Variants in CNTN1 observed in about 807,000 individuals in gnomAD.
CNTN1 encodes the protein contactin-1.
Under a neutral mutation model 126.4 loss-of-function variants are expected in CNTN1, and 38 were observed. That is an observed-to-expected ratio of 0.30 (90% CI 0.23 to 0.39). CNTN1 has a LOEUF of 0.39. Ranked by LOEUF, CNTN1 falls within the 10% of genes least tolerant of loss-of-function variation. The pLI is 1.00. For missense variants in CNTN1, 1,009 were observed against 1,248.4 expected (o/e 0.81, Z 2.89); for synonymous variants, 413 against 422.6 (o/e 0.98, Z 0.28).
At chr12:40,927,054 A>C (rs1478958786) in intron 6 of CNTN1, among the ~76,000 whole-genome samples, 2 of 140,890 alleles carry the variant, frequency 1.4e-5, no homozygotes, top group East Asian at 4.2e-4. Flanking sequence ...ATATCAATTT[A>C]TGATTCATCA....
chr12:41,061,668 A>C, intron 23 of CNTN1: 2 of 348,078 alleles, frequency 5.7e-6, no homozygotes, highest in South Asian at 4.4e-5. Flanking sequence ...AATGCTTGAT[A>C]TTCTCAAATA....
At chr12:40,726,656 G>A (rs1942358514) in intron 1 of CNTN1, among the ~76,000 whole-genome samples, 1 of 152,044 alleles carries the variant, frequency 6.6e-6, no homozygotes. Flanking sequence ...TGGGTGGGGA[G>A]GCAGAGCCAA....
chr12:40,768,872 T>A lies in CNTN1; in HGVS notation c.-77+76280T>A, dbSNP rs561480830. Reference sequence around the variant, plus strand: ...ATTTTAAATAGTAAGTTTATTCTTATGTGCAATCAAGGACTATTTATTTTT... The same window carrying A: ...ATTTTAAATAGTAAGTTTATTCTTAAGTGCAATCAAGGACTATTTATTTTT... On this transcript the variant is annotated intron_variant, in intron 1 of 23. Transcript: ENST00000551295. Among the ~76,000 whole-genome samples the A allele has an allele frequency of 5.1e-4, 77 of 152,366 alleles. 1 individual carries two copies. The South Asian group carries it at 0.015, about 30-fold the overall frequency.
intron 17 of CNTN1, among the ~76,000 whole-genome samples, chr12:41,012,270 C>A (rs1948679683): frequency 6.6e-6 from 1 of 152,144 alleles, no homozygotes; most frequent in Non-Finnish European, 1.5e-5. Context: ...ACTGGGGGTA[C>A]CCTCTGTTTC....
At chr12:41,058,579 G>T (rs1270552954) in intron 23 of CNTN1, among the ~76,000 whole-genome samples, 1 of 152,044 alleles carries the variant, frequency 6.6e-6, no homozygotes, top group African/African-American at 2.4e-5. Flanking sequence ...AGTGATGAAA[G>T]TTAATCTTTT....
At chr12:40,790,107 G>A (rs563704001) in intron 1 of CNTN1, among the ~76,000 whole-genome samples, 2 of 152,208 alleles carry the variant, frequency 1.3e-5, no homozygotes, top group South Asian at 4.1e-4. Context: ...AGGAAGTCTA[G>A]CAGCTGCATG....
At chr12:40,981,180 T>G (rs1947809335) in intron 16 of CNTN1, 113 bp downstream of exon 16, 1 of 1,004,322 alleles carries the variant, frequency 1.0e-6, no homozygotes, top group Non-Finnish European at 1.5e-6. Flanking sequence ...AAGGCTTTCT[T>G]TCTTAAATTT....
intron 1 of CNTN1, among the ~76,000 whole-genome samples, chr12:40,811,949 C>G (rs1186966553): frequency 6.9e-6 from 1 of 144,346 alleles, no homozygotes; most frequent in Non-Finnish European, 1.5e-5. Context: ...TTAGTTTGTT[C>G]TTCTTTTTCT....
intron 1 of CNTN1, among the ~76,000 whole-genome samples, chr12:40,857,206 G>C (rs991727359): frequency 5.9e-5 from 9 of 152,038 alleles, no homozygotes; most frequent in Non-Finnish European, 1.2e-4. Context: ...CTGAAGGTTG[G>C]TGCTGGTAGA....
chr12:41,067,908 T>G (rs550057626), intron 23 of CNTN1, among the ~76,000 whole-genome samples: 26 of 152,306 alleles, frequency 1.7e-4, no homozygotes, highest in African/African-American at 5.8e-4. Flanking sequence ...TTTAAAAAAT[T>G]TGTAGAAAAG....
intron 15 of CNTN1, 33 bp downstream of exon 15, chr12:40,959,267 C>T: frequency 6.2e-7 from 1 of 1,608,844 alleles, no homozygotes; most frequent in South Asian, 1.1e-5. Context: ...ATTACAAAAC[C>T]AAAAGTATTT....
chr12:40,743,823 G>C (rs758297176), intron 1 of CNTN1, among the ~76,000 whole-genome samples: 2 of 152,004 alleles, frequency 1.3e-5, no homozygotes, highest in Non-Finnish European at 2.9e-5. Context: ...TGCTTTGGTT[G>C]CAATTGCTTT....
rs73112676 is a variant in CNTN1 at position 40,796,787 on chromosome 12, C to T, written c.-77+104195C>T. Among the ~76,000 whole-genome samples, 913 of 152,128 alleles carry T rather than the reference C, an allele frequency of 6.0e-3. 6 individuals are homozygous for T. Among genetic ancestry groups the T allele is most frequent in the Middle Eastern group, 0.027 (8 of 294 alleles). ...AAATGAGTTCGGACAAAAGTCAGAACGGTAACACCACATAGACCAAAAAGG... is the reference window on the plus strand; with the variant it reads ...AAATGAGTTCGGACAAAAGTCAGAATGGTAACACCACATAGACCAAAAAGG... On this transcript the variant is annotated intron_variant, in intron 1 of 23. Transcript: ENST00000551295.
chr12:40,782,822 A>C (rs1939855960), intron 1 of CNTN1, among the ~76,000 whole-genome samples: 1 of 151,978 alleles, frequency 6.6e-6, no homozygotes, highest in Non-Finnish European at 1.5e-5. Context: ...TAGCCAAATA[A>C]AAAAAATTTA....
rs527587659 is a variant in CNTN1 at position 41,053,882 on chromosome 12, T to G, written c.2981-16077T>G. ...ATACAGTGTACCACTAAGGCAAAAG[T>G]CCCCAAAACTCTATTGTCTTCTTGT... On this transcript the variant is annotated intron_variant, in intron 23 of 23. Transcript: ENST00000551295. Among the ~76,000 whole-genome samples the G allele has an allele frequency of 3.4e-3, 521 of 151,832 alleles. 1 individual carries two copies. The highest frequency in any genetic ancestry group is 0.012 in the African/African-American group (485 of 41,520).
intron 16 of CNTN1, 147 bp downstream of exon 16, chr12:40,981,214 G>C (rs1947810184): frequency 2.8e-6 from 2 of 713,132 alleles, no homozygotes; most frequent in South Asian, 3.7e-5. Context: ...CTAATATTTT[G>C]GTAATGAAGA....
At chr12:40,775,574 C>A (rs1939546422) in intron 1 of CNTN1, among the ~76,000 whole-genome samples, 1 of 151,478 alleles carries the variant, frequency 6.6e-6, no homozygotes, top group Admixed American at 6.6e-5. Context: ...TTACTTTTTA[C>A]TTCATTTGAG....
chr12:40,953,202 CAT>C (rs1402002050), intron 14 of CNTN1, among the ~76,000 whole-genome samples: 1 of 152,162 alleles, frequency 6.6e-6, no homozygotes, highest in African/African-American at 2.4e-5. Context: ...TGGTCAACCA[CAT>C]ATACACTTTG....
intron 15 of CNTN1, among the ~76,000 whole-genome samples, chr12:40,963,157 C>A (rs1947167786): frequency 6.6e-6 from 1 of 152,006 alleles, no homozygotes; most frequent in Non-Finnish European, 1.5e-5. Context: ...TGTGGTGGCT[C>A]ACAACTGTAA....
Sources: allele counts gnomAD v4.1 joint callset (sites outside exome capture counted in the v4.1 genomes callset), GRCh38; gene constraint gnomAD v4.1.1; transcripts MANE v1.5; gene names NCBI Gene and HGNC (gene_info 2026-07-23, HGNC 2026-07-21).